ARHGEF10: variants seen among roughly 807,000 people sequenced by gnomAD.
The protein encoded by ARHGEF10 is Rho guanine nucleotide exchange factor (GEF) 10.
A neutral mutation model predicts 147.4 loss-of-function variants in ARHGEF10; 140 were observed. The ratio of observed to expected loss-of-function variants is 0.95; its 90% CI spans 0.83 to 1.09. The LOEUF (loss-of-function observed/expected upper bound fraction) is 1.09. Ranked by LOEUF, ARHGEF10 falls within the 50% of genes least tolerant of loss-of-function variation. ARHGEF10 has a pLI of 0.00. For missense variants in ARHGEF10, 2,222 were observed against 1,752.7 expected, an observed-to-expected ratio of 1.27 and a Z score of -4.78; for synonymous variants, 902 against 695.8, an observed-to-expected ratio of 1.30 and a Z score of -4.67.
chr8:1,840,416 G>C (rs1803931545), intron 1 of ARHGEF10, among the ~76,000 whole-genome samples: 1 of 136,726 alleles, frequency 7.3e-6, no homozygotes, highest in Non-Finnish European at 1.6e-5. Context: ...GGGACTGTCT[G>C]GTGTGGAAGC....
At chr8:1,838,985 G>C (rs550431172) in intron 1 of ARHGEF10, among the ~76,000 whole-genome samples, 1 of 150,726 alleles carries the variant, frequency 6.6e-6, no homozygotes. Flanking sequence ...ACTCTCTGGC[G>C]TGGGGGCCAT....
intron 10 of ARHGEF10, among the ~76,000 whole-genome samples, chr8:1,885,063 C>G (rs115150979): frequency 0.018 from 2,815 of 152,310 alleles, 36 homozygotes; most frequent in African/African-American, 0.032. Context: ...CCCCACCCAA[C>G]TGTGAATTTA....
intron 1 of ARHGEF10, among the ~76,000 whole-genome samples, chr8:1,835,286 A>G (rs933862129): frequency 6.6e-6 from 1 of 152,228 alleles, no homozygotes; most frequent in Non-Finnish European, 1.5e-5. Flanking sequence ...TCACAGGCAC[A>G]GAGCCTGTCC....
chr8:1,896,506 T>A, intron 14 of ARHGEF10, 57 bp downstream of exon 14: 2 of 1,225,908 alleles, frequency 1.6e-6, no homozygotes, highest in Non-Finnish European at 2.4e-6. Context: ...AAGTTACATG[T>A]CAAAGCTTGA....
At chr8:1,882,389 AC>A (rs1808277419) in intron 9 of ARHGEF10, among the ~76,000 whole-genome samples, 1 of 152,206 alleles carries the variant, frequency 6.6e-6, no homozygotes, top group African/African-American at 2.4e-5. Flanking sequence ...TGAGTGGATC[AC>A]ATATAATACC....
At chr8:1,926,604 C>G (rs1812714603) in intron 23 of ARHGEF10, 141 bp downstream of exon 23, 2 of 778,826 alleles carry the variant, frequency 2.6e-6, no homozygotes, top group Admixed American at 4.0e-5. Flanking sequence ...AACATGAAAA[C>G]TTCTTTGAAA....
chr8:1,956,645 T>A (rs1815588767), intron 28 of ARHGEF10, 104 bp from the exon 29 acceptor site: 3 of 1,218,824 alleles, frequency 2.5e-6, no homozygotes, highest in Non-Finnish European at 2.4e-6. Context: ...CTTTGTTATT[T>A]GGGCAGGGAG....
intron 1 of ARHGEF10, among the ~76,000 whole-genome samples, chr8:1,829,994 G>A (rs1802990671): frequency 6.6e-6 from 1 of 152,194 alleles, no homozygotes; most frequent in South Asian, 2.1e-4. Flanking sequence ...AGAAGGAGAG[G>A]GTTAGGTTCT....
At chr8:1,839,133 A>T (rs1296542179) in intron 1 of ARHGEF10, among the ~76,000 whole-genome samples, 1 of 102,724 alleles carries the variant, frequency 9.7e-6, no homozygotes, top group South Asian at 3.3e-4. Flanking sequence ...TCTGGTGTGG[A>T]AACTGTCTGG....
chr8:1,945,686 G>T, intron 27 of ARHGEF10, 31 bp downstream of exon 27: 2 of 1,612,782 alleles, frequency 1.2e-6, no homozygotes, highest in Non-Finnish European at 1.7e-6. Flanking sequence ...CCAGGGATGG[G>T]ACAGCAACCG....
chr8:1,870,611 TATA>T (rs1193860565), intron 7 of ARHGEF10: 2 of 152,300 alleles, frequency 1.3e-5, no homozygotes, highest in East Asian at 1.9e-4. Context: ...TCAGTATAAC[TATA>T]ATAATACACT....
chr8:1,896,425 G>A lies in ARHGEF10; in HGVS notation c.1533G>A (p.Lys511=). Residue 511 remains lysine, a synonymous_variant, in exon 14 of 29, where the codon AAG becomes AAA. Transcript: ENST00000349830. The part of the protein sequence containing the change: ...VAVLKKTCAT[K]PAFLEFLKQE... ...TCCTCAAGAAAACATGTGCCACAAA[G>A]CCCGCTTTTCTTGAATTTTTAAAGG... is the stretch of plus-strand genomic sequence containing the variant. 6.2e-7 allele frequency: 1 copy of A among 1,613,608 alleles called. No individual in the cohort carries two copies. The highest frequency in any genetic ancestry group is 8.5e-7 in the Non-Finnish European group (1 of 1,179,926).
At chr8:1,869,313 C>A in intron 7 of ARHGEF10, 63 bp downstream of exon 7, 1 of 1,404,434 alleles carries the variant, frequency 7.1e-7, no homozygotes, top group Non-Finnish European at 1.0e-6. Flanking sequence ...CTCTGGATGC[C>A]AAAGTGACTA....
Position 1,929,441 on chromosome 8 carries a change from C to T in ARHGEF10, c.3077C>T (p.Pro1026Leu). ...NGAVASYARA[P>L]DGSWDSEPQK... is the part of the protein sequence containing the mutation. ...GCAGTCGCCAGCTACGCCAGAGCCC[C>T]AGGTGAGGCGGGTCTCACGGCCTCC... The change falls in exon 25 of 29, where the codon CCA becomes CTA. Residue 1026 changes from proline to leucine, a missense_variant and splice_region_variant. By Grantham distance (98) the Pro-to-Leu change is moderately conservative. Transcript: ENST00000349830. The T allele has an allele frequency of 1.2e-6, 2 of 1,606,070 alleles. No homozygotes were observed. Among genetic ancestry groups the T allele is most frequent in the Non-Finnish European group, 1.7e-6 (2 of 1,175,956 alleles).
At chr8:1,916,286 G>C (rs13255875) in intron 18 of ARHGEF10, among the ~76,000 whole-genome samples, 4,211 of 152,328 alleles carry the variant, frequency 0.028, 90 homozygotes, top group Non-Finnish European at 0.041. Context: ...AATCACACAC[G>C]TGTGTCCTAC....
intron 26 of ARHGEF10, among the ~76,000 whole-genome samples, chr8:1,943,164 C>A (rs149542076): frequency 0.012 from 1,878 of 152,348 alleles, 62 homozygotes; most frequent in Admixed American, 0.071. Context: ...CTAGCACAGG[C>A]AGGAGGAGGG....
chr8:1,909,745 C>T (rs1811218544), intron 18 of ARHGEF10, among the ~76,000 whole-genome samples: 1 of 152,222 alleles, frequency 6.6e-6, no homozygotes, highest in South Asian at 2.1e-4. Flanking sequence ...CTTCCCGGTC[C>T]AGTGAGCTCA....
chr8:1,903,334 G>T lies in ARHGEF10; in HGVS notation c.1704G>T (p.Met568Ile), dbSNP rs756639852. The part of the protein sequence containing the change: ...KGHPDRLPLQ[M>I]ALTELETLAE... ...ACCCCGACAGGCTGCCTCTTCAGAT[G>T]GCCCTGACAGAGCTCGAAACACTAG... Residue 568 changes from methionine to isoleucine, a missense_variant, in exon 16 of 29, where the codon ATG becomes ATT. Transcript: ENST00000349830. 6.2e-7 allele frequency: 1 copy of T among 1,614,106 alleles called. No homozygotes were observed. The highest frequency in any genetic ancestry group is 2.2e-5 in the East Asian group (1 of 44,874).
chr8:1,842,801 G>T (rs757893719), intron 1 of ARHGEF10, among the ~76,000 whole-genome samples: 1 of 152,210 alleles, frequency 6.6e-6, no homozygotes, highest in Admixed American at 6.5e-5. Flanking sequence ...AGGGAAACAC[G>T]AAGTGTAGAC....
Sources: allele counts gnomAD v4.1 joint callset (sites outside exome capture counted in the v4.1 genomes callset), GRCh38; gene constraint gnomAD v4.1.1; transcripts MANE v1.5; gene names NCBI Gene and HGNC (gene_info 2026-07-23, HGNC 2026-07-21).